MMP26: variants seen among roughly 807,000 people sequenced by gnomAD.
MMP26 encodes the protein matrix metallopeptidase 26, also known as matrix metalloproteinase-26.
MMP26 carries 33 observed loss-of-function variants against 31.0 expected under a neutral mutation model. The ratio of observed to expected loss-of-function variants is 1.06; its 90% CI spans 0.81 to 1.42. The LOEUF (loss-of-function observed/expected upper bound fraction) is 1.42, where lower values mean the gene tolerates loss of function less well. MMP26 is among the 40% of genes most tolerant of loss of function. The pLI is 0.00. For missense variants in MMP26, 347 were observed against 316.1 expected (o/e 1.10, Z -0.74); for synonymous variants, 122 against 114.9 (o/e 1.06, Z -0.40).
chr11:4,723,798 G>T, intron 1 of MMP26: 11 of 1,572,388 alleles, frequency 7.0e-6, no homozygotes, highest in Non-Finnish European at 9.5e-6. Flanking sequence ...GCTGCTGCAG[G>T]AGGCTCCACT....
intron 1 of MMP26, among the ~76,000 whole-genome samples, chr11:4,742,085 G>C (rs1415661579): frequency 6.6e-6 from 1 of 152,206 alleles, no homozygotes; most frequent in African/African-American, 2.4e-5. Flanking sequence ...TGGAGCAGTG[G>C]TGAGTTTCCA....
chr11:4,719,541 T>C (rs1260587216), intron 1 of MMP26: 1 of 153,368 alleles, frequency 6.5e-6, no homozygotes, highest in East Asian at 1.9e-4. Context: ...AAGTACTCCA[T>C]TGTAGCACGG....
At chr11:4,914,962 G>A (rs1851054284) in intron 2 of MMP26, 1 of 1,614,026 alleles carries the variant, frequency 6.2e-7, no homozygotes, top group African/African-American at 1.3e-5. Context: ...CAGCCCTGGA[G>A]GCGATGGACA....
rs538354804 is a variant in MMP26 at position 4,804,315 on chromosome 11, G to A, written c.-145+36974G>A. On this transcript the variant is annotated intron_variant, in intron 2 of 7. Coordinates refer to ENST00000380390, the MANE Select transcript of MMP26 (RefSeq NM_021801.5). Reference sequence around the variant, plus strand: ...CAATCCACAACTGGAAACTCTCCAGGCCTGGGATTCCAAGCAGGATGAAGG... The same window carrying A: ...CAATCCACAACTGGAAACTCTCCAGACCTGGGATTCCAAGCAGGATGAAGG... 6.4e-5 allele frequency: 104 copies of A among 1,614,012 alleles called. 2 individuals carry two copies. The highest frequency in any genetic ancestry group is 5.8e-4 in the South Asian group (53 of 91,086).
At chr11:4,848,966 C>T in intron 2 of MMP26, 1 of 1,614,080 alleles carries the variant, frequency 6.2e-7, no homozygotes, top group Non-Finnish European at 8.5e-7. Flanking sequence ...GGGCAGTGAC[C>T]AATCCAATAT....
chr11:4,812,994 T>A (rs1849370163), intron 2 of MMP26, among the ~76,000 whole-genome samples: 1 of 148,658 alleles, frequency 6.7e-6, no homozygotes, highest in Non-Finnish European at 1.5e-5. Context: ...TATGTATATG[T>A]GCGAGTGTGT....
At chr11:4,986,951 C>CTCCCTCTCTCTCTCTCTG (rs1846907585) in intron 2 of MMP26, among the ~76,000 whole-genome samples, 3 of 144,586 alleles carry the variant, frequency 2.1e-5, no homozygotes, top group African/African-American at 7.8e-5. Context: ...CTCTCTCTCT[C>CTCCCTCTCTCTCTCTCTG]TCTCTCTCCC....
At chr11:4,923,233 C>T (rs1589940189) in intron 2 of MMP26, 1 of 698,878 alleles carries the variant, frequency 1.4e-6, no homozygotes, top group East Asian at 2.8e-5. Context: ...AAGTAACTTT[C>T]TCCTGGTCAC....
chr11:4,991,307 A>G, intron 5 of MMP26, 64 bp from the exon 6 acceptor site: 2 of 1,558,106 alleles, frequency 1.3e-6, no homozygotes, highest in Non-Finnish European at 1.7e-6. Context: ...GGCTTACTTA[A>G]GACTATTCTG....
chr11:4,828,515 A>C (rs141962144), intron 2 of MMP26, among the ~76,000 whole-genome samples: 1 of 152,306 alleles, frequency 6.6e-6, no homozygotes, highest in Non-Finnish European at 1.5e-5. Context: ...GTAACATAAG[A>C]ATTGATGGGG....
At chr11:4,867,762 G>A (rs1377491698) in intron 2 of MMP26, among the ~76,000 whole-genome samples, 4 of 152,072 alleles carry the variant, frequency 2.6e-5, no homozygotes, top group African/African-American at 9.7e-5. Flanking sequence ...GCAAGGTTCT[G>A]AAGAAAAAGG....
intron 2 of MMP26, among the ~76,000 whole-genome samples, chr11:4,838,045 C>T (rs532832494): frequency 2.6e-5 from 4 of 151,746 alleles, no homozygotes; most frequent in Non-Finnish European, 5.9e-5. Flanking sequence ...TGGCCAGGCA[C>T]GGTGACTCAC....
At chr11:4,853,532 C>T (rs1049577412) in intron 2 of MMP26, among the ~76,000 whole-genome samples, 1 of 152,032 alleles carries the variant, frequency 6.6e-6, no homozygotes, top group Non-Finnish European at 1.5e-5. Flanking sequence ...TGGGATAACA[C>T]TATTAGACAA....
At chr11:4,984,593 A>G (rs1410088749) in intron 2 of MMP26, among the ~76,000 whole-genome samples, 1 of 152,196 alleles carries the variant, frequency 6.6e-6, no homozygotes, top group East Asian at 1.9e-4. Context: ...TGTGCTACAG[A>G]TATTAATGCA....
At chr11:4,722,160 A>G (rs371358015) in intron 1 of MMP26, among the ~76,000 whole-genome samples, 18 of 152,310 alleles carry the variant, frequency 1.2e-4, no homozygotes, top group East Asian at 5.8e-4. Flanking sequence ...TCTTTTCTTT[A>G]TAAGTTACCC....
intron 1 of MMP26, chr11:4,723,381 C>T (rs1848046621): frequency 2.1e-6 from 2 of 949,496 alleles, no homozygotes; most frequent in Non-Finnish European, 3.4e-6. Context: ...TGGAGATCAC[C>T]TTGTACTGCG....
chr11:4,923,345 T>C, intron 2 of MMP26: 1 of 1,518,662 alleles, frequency 6.6e-7, no homozygotes, highest in Non-Finnish European at 8.8e-7. Context: ...GTGGGCTTTA[T>C]GTCCAAAACT....
chr11:4,815,571 C>CA (rs35785571), intron 2 of MMP26, among the ~76,000 whole-genome samples: 224 of 135,430 alleles, frequency 1.7e-3, no homozygotes, highest in Admixed American at 2.9e-3. Context: ...TGAAGTATAA[C>CA]AAAAAAAAAA....
intron 2 of MMP26, among the ~76,000 whole-genome samples, chr11:4,978,238 C>A (rs1846766124): frequency 6.6e-6 from 1 of 152,074 alleles, no homozygotes; most frequent in Non-Finnish European, 1.5e-5. Context: ...CCAGGTATCT[C>A]TTTACAGTAG....
Sources: gnomAD v4.1 joint callset for allele counts (sites outside exome capture counted in the v4.1 genomes callset) on GRCh38, gnomAD v4.1.1 for gene constraint, MANE v1.5 for transcripts, NCBI Gene and HGNC (gene_info 2026-07-23, HGNC 2026-07-21) for gene names.